The following NCOA6 variants were observed in gnomAD, a reference collection of about 807,000 sequenced individuals.
The protein encoded by NCOA6 is NRC RAP250.
Under a neutral mutation model 171.4 loss-of-function variants are expected in NCOA6, and 49 were observed. The observed-to-expected ratio is 0.29, with a 90% CI of 0.23 to 0.36. NCOA6 has a LOEUF of 0.36. Among genes scored for constraint, NCOA6 ranks in the 10% least tolerant of loss-of-function variants. The pLI, the probability that NCOA6 is intolerant of heterozygous loss-of-function variation, is 1.00. For missense variants in NCOA6, 2,248 were observed against 2,554.5 expected (o/e 0.88, Z 2.59); for synonymous variants, 910 against 927.5 (o/e 0.98, Z 0.34).
At chr20:34,744,921 G>A (rs1169485966) in intron 10 of NCOA6, among the ~76,000 whole-genome samples, 1 of 152,144 alleles carries the variant, frequency 6.6e-6, no homozygotes, top group African/African-American at 2.4e-5. Context: ...TACCAAAGAG[G>A]ACAGCATAGA....
intron 4 of NCOA6, among the ~76,000 whole-genome samples, chr20:34,772,434 T>C (rs1037615490): frequency 1.4e-4 from 21 of 152,310 alleles, no homozygotes; most frequent in Admixed American, 7.2e-4. Context: ...TTATTAAATA[T>C]AATGGTCATC....
Position 34,750,457 on chromosome 20 carries a change from T to C in NCOA6, c.1738A>G (p.Met580Val). Residue 580 changes from methionine (M) to valine (V), a missense_variant, in exon 9 of 15, where the codon ATG (methionine) becomes GTG (valine). Met to Val is a conservative substitution (Grantham distance 21, BLOSUM62 1). Coordinates refer to ENST00000359003, the MANE Select transcript of NCOA6 (RefSeq NM_014071.5). ...MQVSHGPPNM[M>V]QPSLMGIHGN... ...TGAATTCCCATGAGGCTGGGCTGCA[T>C]CATATTTGGCGGCCCGTGGGACACC... is the stretch of plus-strand genomic sequence containing the variant. The C allele has an allele frequency of 6.2e-7, 1 of 1,613,828 alleles. No homozygotes were observed. Among genetic ancestry groups the C allele is most frequent in the Non-Finnish European group, 8.5e-7 (1 of 1,179,936 alleles).
intron 4 of NCOA6, among the ~76,000 whole-genome samples, chr20:34,773,265 A>G (rs2077205280): frequency 6.6e-6 from 1 of 152,216 alleles, no homozygotes; most frequent in South Asian, 2.1e-4. Flanking sequence ...ACTACTCTTT[A>G]GATCACCATG....
At chr20:34,771,070 T>C (rs1375837829) in intron 4 of NCOA6, among the ~76,000 whole-genome samples, 1 of 152,242 alleles carries the variant, frequency 6.6e-6, no homozygotes, top group Non-Finnish European at 1.5e-5. Context: ...TTATCATTTA[T>C]TTTACTTAAT....
chr20:34,758,914 G>T lies in NCOA6; in HGVS notation c.534C>A (p.Asn178Lys). 6.2e-7 allele frequency: 1 copy of T among 1,613,714 alleles called. No individual in the cohort carries two copies. The highest frequency in any genetic ancestry group is 8.5e-7 in the Non-Finnish European group (1 of 1,179,890). The stretch of plus-strand genomic sequence containing the variant: ...CCGGGGGTATCATAACAGTGGCAGG[G>T]TTGTTCATCCTTATTATTCCTAGAA... ...ASGPGIIRMNNPATVMIPPGG... is the reference protein window; with the variant it reads ...ASGPGIIRMNKPATVMIPPGG... The change falls in exon 6 of 15, where the codon AAC becomes AAA. Residue 178 changes from asparagine to lysine, a missense_variant. By Grantham distance (94) the Asn-to-Lys change is moderately conservative. Coordinates refer to ENST00000359003, the MANE Select transcript of NCOA6 (RefSeq NM_014071.5).
chr20:34,716,906 A>G (rs1375749513), intron 14 of NCOA6, among the ~76,000 whole-genome samples: 1 of 152,224 alleles, frequency 6.6e-6, no homozygotes, highest in African/African-American at 2.4e-5. Context: ...TTTTAATATG[A>G]AAATAATGTT....
At chr20:34,721,382 C>T (rs1191453334) in intron 14 of NCOA6, among the ~76,000 whole-genome samples, 1 of 151,862 alleles carries the variant, frequency 6.6e-6, no homozygotes, top group Non-Finnish European at 1.5e-5. Flanking sequence ...GAAGCTTCTA[C>T]ACTTGGGATC....
intron 4 of NCOA6, among the ~76,000 whole-genome samples, chr20:34,769,746 G>A (rs894002350): frequency 6.6e-6 from 1 of 152,152 alleles, no homozygotes; most frequent in African/African-American, 2.4e-5. Flanking sequence ...CAATTAAGTA[G>A]ACTCTAAACT....
intron 1 of NCOA6, among the ~76,000 whole-genome samples, chr20:34,811,201 G>GAATATATATATATATA (rs1555858016): frequency 1.9e-5 from 1 of 53,798 alleles, no homozygotes. Flanking sequence ...ACAACAACGT[G>GAATATATATATATATA]TATATATATA....
intron 1 of NCOA6, among the ~76,000 whole-genome samples, chr20:34,805,642 C>T (rs1293501844): frequency 6.6e-6 from 1 of 151,040 alleles, no homozygotes; most frequent in Non-Finnish European, 1.5e-5. Flanking sequence ...GAATATATAC[C>T]TATTAGTGGG....
At chr20:34,784,926 G>A (rs2077626680) in intron 2 of NCOA6, among the ~76,000 whole-genome samples, 1 of 151,572 alleles carries the variant, frequency 6.6e-6, no homozygotes, top group Non-Finnish European at 1.5e-5. Context: ...ACTGAAAATA[G>A]AAAAATTAGC....
chr20:34,761,812 T>C (rs2076827670), intron 5 of NCOA6, among the ~76,000 whole-genome samples: 1 of 152,044 alleles, frequency 6.6e-6, no homozygotes, highest in Admixed American at 6.6e-5. Flanking sequence ...CACGCCACCA[T>C]GCCTGGCTAA....
At chr20:34,762,700 C>T (rs1044258303) in intron 5 of NCOA6, among the ~76,000 whole-genome samples, 1 of 151,858 alleles carries the variant, frequency 6.6e-6, no homozygotes, top group Non-Finnish European at 1.5e-5. Context: ...TTAGATTTAC[C>T]CCATGCTTAT....
intron 3 of NCOA6, among the ~76,000 whole-genome samples, chr20:34,778,577 GC>G (rs2077414344): frequency 6.6e-6 from 1 of 151,554 alleles, no homozygotes; most frequent in African/African-American, 2.4e-5. Context: ...ATAGACACCT[GC>G]CACCATGCCC....
intron 1 of NCOA6, among the ~76,000 whole-genome samples, chr20:34,803,834 C>T (rs1259358454): frequency 6.6e-6 from 1 of 150,848 alleles, no homozygotes; most frequent in Non-Finnish European, 1.5e-5. Context: ...CCCGTCTCTA[C>T]CCAAAATACA....
chr20:34,762,468 A>T (rs1238527008), intron 5 of NCOA6, among the ~76,000 whole-genome samples: 1 of 151,110 alleles, frequency 6.6e-6, no homozygotes, highest in African/African-American at 2.4e-5. Context: ...TATGATTTCT[A>T]TTTACCCTTT....
intron 4 of NCOA6, among the ~76,000 whole-genome samples, chr20:34,773,306 A>G (rs530456680): frequency 1.3e-5 from 2 of 152,330 alleles, no homozygotes; most frequent in South Asian, 2.1e-4. Context: ...AATGTCCTCA[A>G]AAAAGATGTT....
At chr20:34,763,417 TCCC>T (rs1389375408) in intron 5 of NCOA6, among the ~76,000 whole-genome samples, 1 of 152,150 alleles carries the variant, frequency 6.6e-6, no homozygotes, top group Admixed American at 6.6e-5. Flanking sequence ...TAAGTTCTGT[TCCC>T]CCCATCTCTC....
rs117988639 is a variant in NCOA6, at chr20:34,786,463, T to C, written c.-49-4059A>G. Among the ~76,000 whole-genome samples, 425 of 152,330 alleles carry C rather than the reference T, an allele frequency of 2.8e-3. 2 individuals are homozygous for C. The highest frequency in any genetic ancestry group is 6.8e-3 in the Middle Eastern group (2 of 294). ...TTAGGTTGTTAACTTGAGATCTCTC[T>C]AGCTTTTTGATGTGGGCATTTAGTG... On this transcript the variant is annotated intron_variant, in intron 2 of 14. Transcript: ENST00000359003.
Sources: allele counts gnomAD v4.1 joint callset (sites outside exome capture counted in the v4.1 genomes callset), GRCh38; gene constraint gnomAD v4.1.1; transcripts MANE v1.5; gene names NCBI Gene and HGNC (gene_info 2026-07-23, HGNC 2026-07-21).